The following RABGAP1L variants were observed in gnomAD, a reference collection of about 807,000 sequenced individuals.
RABGAP1L encodes rab GTPase-activating protein 1-like.
A neutral mutation model predicts 137.7 loss-of-function variants in RABGAP1L; 63 were observed. The ratio of observed to expected loss-of-function variants is 0.46; its 90% CI spans 0.37 to 0.56. RABGAP1L has a LOEUF of 0.56. RABGAP1L is among the 20% of genes least tolerant of loss of function. The pLI is 0.00. For missense variants in RABGAP1L, 1,095 were observed against 1,244.0 expected (o/e 0.88, Z 1.80); for synonymous variants, 431 against 433.7 (o/e 0.99, Z 0.08).
chr1:174,728,829 C>G (rs1682220899), intron 17 of RABGAP1L, among the ~76,000 whole-genome samples: 1 of 152,074 alleles, frequency 6.6e-6, no homozygotes, highest in African/African-American at 2.4e-5. Flanking sequence ...TTAGTAGAGA[C>G]AGGGTTTCAC....
chr1:174,939,298 G>A (rs1665428606), intron 19 of RABGAP1L, among the ~76,000 whole-genome samples: 1 of 152,158 alleles, frequency 6.6e-6, no homozygotes, highest in Admixed American at 6.5e-5. Context: ...GCTCATGCCT[G>A]TAATCCCAGC....
intron 21 of RABGAP1L, among the ~76,000 whole-genome samples, chr1:174,973,160 A>G (rs1462691204): frequency 6.6e-6 from 1 of 152,172 alleles, no homozygotes; most frequent in Non-Finnish European, 1.5e-5. Context: ...CTTCCTGGAA[A>G]ACTGGACTCT....
At chr1:174,517,570 T>C (rs1159517473) in intron 13 of RABGAP1L, among the ~76,000 whole-genome samples, 2 of 152,202 alleles carry the variant, frequency 1.3e-5, no homozygotes, top group African/African-American at 4.8e-5. Flanking sequence ...AGAAATACAC[T>C]GTAGAAGTAC....
chr1:174,334,139 G>A (rs534501731), intron 11 of RABGAP1L, among the ~76,000 whole-genome samples: 3 of 152,120 alleles, frequency 2.0e-5, no homozygotes, highest in Non-Finnish European at 4.4e-5. Flanking sequence ...AAATACTTTC[G>A]CTTCTTTCTT....
At chr1:174,893,016 G>C (rs1226498350) in intron 19 of RABGAP1L, 2 of 243,018 alleles carry the variant, frequency 8.2e-6, no homozygotes, top group East Asian at 2.3e-4. Context: ...AAAGTGCTGG[G>C]GTTACAGGCA....
At chr1:174,385,721 C>G (rs1259214017) in intron 12 of RABGAP1L, among the ~76,000 whole-genome samples, 2 of 152,234 alleles carry the variant, frequency 1.3e-5, no homozygotes, top group South Asian at 2.1e-4. Context: ...CTAAGTCTAT[C>G]AAGAATGACA....
chr1:174,664,730 CTTTCTTTTTTTT>C (rs1415923357), intron 14 of RABGAP1L, among the ~76,000 whole-genome samples: 1 of 98,914 alleles, frequency 1.0e-5, no homozygotes, highest in African/African-American at 6.4e-5. Context: ...TTTCTTTCTG[CTTTCTTTTTTTT>C]TTTTTTTTTT....
chr1:174,709,246 G>A (rs913491575), intron 17 of RABGAP1L, among the ~76,000 whole-genome samples: 1 of 152,192 alleles, frequency 6.6e-6, no homozygotes, highest in Non-Finnish European at 1.5e-5. Context: ...TGTGGGCGCA[G>A]CTTCAGCAGA....
At chr1:174,402,585 G>A (rs1426658638) in intron 13 of RABGAP1L, among the ~76,000 whole-genome samples, 5 of 152,104 alleles carry the variant, frequency 3.3e-5, no homozygotes, top group Non-Finnish European at 7.4e-5. Flanking sequence ...GAGTTGTAGG[G>A]TACTACTGCT....
chr1:174,976,164 A>G lies in RABGAP1L; in HGVS notation c.2631A>G (p.Gln877=). The stretch of plus-strand genomic sequence containing the variant: ...AGACTGAAGAGGAGAAGAGGAAGCA[A>G]GAGGAAGAGACTGCCCAGGTAAAAG... ...LVETEEEKRK[Q]EEETAQLKEV... The change falls in exon 22 of 26, where the codon CAA becomes CAG. Residue 877 remains glutamine (Q), a synonymous_variant. Transcript: ENST00000681986. The G allele has an allele frequency of 6.4e-7, 1 of 1,550,624 alleles. No homozygotes were observed.
intron 19 of RABGAP1L, among the ~76,000 whole-genome samples, chr1:174,819,187 TAAAAAAAAAAA>T (rs71299431): frequency 2.2e-5 from 1 of 44,840 alleles, no homozygotes; most frequent in African/African-American, 8.6e-5. Context: ...TGCCTGTCTC[TAAAAAAAAAAA>T]AAAAAAAAAA....
intron 13 of RABGAP1L, among the ~76,000 whole-genome samples, chr1:174,411,492 C>CAAA: frequency 6.6e-6 from 1 of 152,064 alleles, no homozygotes; most frequent in Middle Eastern, 3.4e-3. Context: ...GAGATGATCA[C>CAAA]ATGGCTTTTG....
At chr1:174,334,147 C>G (rs1387160301) in intron 11 of RABGAP1L, among the ~76,000 whole-genome samples, 1 of 152,196 alleles carries the variant, frequency 6.6e-6, no homozygotes, top group African/African-American at 2.4e-5. Flanking sequence ...TCGCTTCTTT[C>G]TTTTCTGTTG....
chr1:174,486,351 C>CTT (rs200712256), intron 13 of RABGAP1L, among the ~76,000 whole-genome samples: 4 of 132,284 alleles, frequency 3.0e-5, no homozygotes, highest in Admixed American at 7.7e-5. Context: ...CTGCTCTGAT[C>CTT]TTTTTTTTTT....
intron 19 of RABGAP1L, among the ~76,000 whole-genome samples, chr1:174,948,357 C>T (rs1211352697): frequency 6.6e-6 from 1 of 151,428 alleles, no homozygotes; most frequent in East Asian, 1.9e-4. Context: ...CCTGTCTTTA[C>T]AAAAAATACA....
At chr1:174,385,778 C>T (rs770809683) in intron 12 of RABGAP1L, among the ~76,000 whole-genome samples, 1 of 152,268 alleles carries the variant, frequency 6.6e-6, no homozygotes, top group South Asian at 2.1e-4. Context: ...CCTAGAATTC[C>T]ACTGGATTCA....
At chr1:174,303,777 A>G (rs1359273133) in intron 10 of RABGAP1L, among the ~76,000 whole-genome samples, 22 of 152,164 alleles carry the variant, frequency 1.4e-4, no homozygotes, top group Non-Finnish European at 1.2e-4. Flanking sequence ...CAGATGAAAT[A>G]TTTTACCACT....
intron 13 of RABGAP1L, among the ~76,000 whole-genome samples, chr1:174,456,357 A>T (rs1356353289): frequency 1.3e-5 from 2 of 152,078 alleles, no homozygotes; most frequent in Non-Finnish European, 2.9e-5. Context: ...TATAACCTTA[A>T]TGATGAAGAC....
intron 10 of RABGAP1L, among the ~76,000 whole-genome samples, chr1:174,281,479 G>A (rs1278976122): frequency 6.6e-6 from 1 of 152,136 alleles, no homozygotes; most frequent in African/African-American, 2.4e-5. Flanking sequence ...GTGCGTTTAC[G>A]CTCCTTTAGC....
Sources: gnomAD v4.1 joint callset for allele counts (sites outside exome capture counted in the v4.1 genomes callset) on GRCh38, gnomAD v4.1.1 for gene constraint, MANE v1.5 for transcripts, NCBI Gene and HGNC (gene_info 2026-07-23, HGNC 2026-07-21) for gene names.